INTS7: variants seen among roughly 807,000 people sequenced by gnomAD.
INTS7 encodes the protein integrator complex subunit 7.
Under a neutral mutation model 109.2 loss-of-function variants are expected in INTS7, and 46 were observed. The observed-to-expected ratio is 0.42, with a 90% confidence interval of 0.33 to 0.54. The LOEUF (loss-of-function observed/expected upper bound fraction) is 0.54. INTS7 is among the 20% of genes least tolerant of loss of function. The pLI is 0.07. For missense variants in INTS7, 929 were observed against 1,132.4 expected (o/e 0.82, Z 2.58); for synonymous variants, 412 against 402.9 (o/e 1.02, Z -0.27).
chr1:212,018,808 T>C (rs887633949), intron 3 of INTS7, among the ~76,000 whole-genome samples: 1 of 152,224 alleles, frequency 6.6e-6, no homozygotes, highest in African/African-American at 2.4e-5. Flanking sequence ...CCAATAGCTA[T>C]TCCCATGTCG....
intron 16 of INTS7, among the ~76,000 whole-genome samples, chr1:211,965,355 T>C (rs1558029356): frequency 1.3e-5 from 2 of 152,156 alleles, no homozygotes; most frequent in Non-Finnish European, 1.5e-5. Flanking sequence ...GGCGGGAGTG[T>C]AAATTAGTTC....
intron 1 of INTS7, among the ~76,000 whole-genome samples, chr1:212,029,140 G>A (rs1337420091): frequency 6.6e-6 from 1 of 152,146 alleles, no homozygotes; most frequent in Non-Finnish European, 1.5e-5. Flanking sequence ...TTTCAAAACA[G>A]CACAAATCTC....
At chr1:212,015,249 G>C (rs1571908199) in intron 4 of INTS7, among the ~76,000 whole-genome samples, 1 of 152,198 alleles carries the variant, frequency 6.6e-6, no homozygotes, top group Non-Finnish European at 1.5e-5. Context: ...CGACGATGGG[G>C]GTTTTGTCGA....
chr1:211,971,949 A>AAAAG (rs1395171533), intron 13 of INTS7, among the ~76,000 whole-genome samples: 1 of 151,356 alleles, frequency 6.6e-6, no homozygotes, highest in Non-Finnish European at 1.5e-5. Flanking sequence ...AAAGAAAAGA[A>AAAAG]AAAGAAAAAG....
At chr1:211,943,043 C>T (rs1662702905) in intron 19 of INTS7, among the ~76,000 whole-genome samples, 1 of 152,078 alleles carries the variant, frequency 6.6e-6, no homozygotes, top group Non-Finnish European at 1.5e-5. Context: ...CTGACGTCAC[C>T]AACCAATTCA....
intron 7 of INTS7, among the ~76,000 whole-genome samples, chr1:211,993,679 C>CAAA (rs1333287349): frequency 9.1e-4 from 50 of 54,748 alleles, no homozygotes; most frequent in African/African-American, 2.4e-3. Flanking sequence ...GACTAAAACT[C>CAAA]AAAAAAAAAA....
chr1:211,997,342 T>A (rs964782693), intron 7 of INTS7, among the ~76,000 whole-genome samples: 3 of 151,330 alleles, frequency 2.0e-5, no homozygotes, highest in Non-Finnish European at 4.4e-5. Flanking sequence ...ACCCGGAGCT[T>A]GAGACCAGCC....
intron 13 of INTS7, among the ~76,000 whole-genome samples, chr1:211,974,283 A>ATATATATATATC: frequency 1.0e-5 from 1 of 97,384 alleles, no homozygotes; most frequent in South Asian, 3.2e-4. Context: ...AAAAATATAT[A>ATATATATATATC]TATATATATA....
chr1:211,987,423 T>C (rs966554546), intron 8 of INTS7, among the ~76,000 whole-genome samples: 1 of 152,156 alleles, frequency 6.6e-6, no homozygotes, highest in Admixed American at 6.5e-5. Flanking sequence ...TCATCTTGAA[T>C]AGGTAACTAG....
In INTS7 at chr1:211,968,562, G is replaced by A; in HGVS notation, c.1961C>T (p.Ala654Val). The A allele has an allele frequency of 1.2e-6, 2 of 1,614,080 alleles. No individual in the cohort carries two copies. The highest frequency in any genetic ancestry group is 1.7e-6 in the Non-Finnish European group (2 of 1,180,000). The part of the protein sequence containing the change: ...SPPPAIATTI[A>V]MTLGNDLQRC... ...CTGGAGGTCATTTCCTAAGGTCATG[G>A]CAATTGTTGTGGCAATTGCAGGTGG... The change falls in exon 14 of 20, where the codon GCC becomes GTC. Residue 654 changes from alanine to valine, a missense_variant. Ala to Val is a moderately conservative substitution (Grantham distance 64). Around this residue, in one of 2 missense-constraint regions of INTS7, gnomAD observed 787 missense variants for 901.1 expected, o/e 0.87. Transcript: ENST00000366994.
intron 17 of INTS7, among the ~76,000 whole-genome samples, chr1:211,951,519 G>A (rs1345288778): frequency 6.6e-6 from 1 of 152,172 alleles, no homozygotes; most frequent in Non-Finnish European, 1.5e-5. Context: ...TGTTAGTCAG[G>A]CTGGTCTCAA....
At chr1:211,986,937 G>A (rs1479833433) in intron 8 of INTS7, among the ~76,000 whole-genome samples, 2 of 152,176 alleles carry the variant, frequency 1.3e-5, no homozygotes, top group Non-Finnish European at 2.9e-5. Flanking sequence ...GTACATTACA[G>A]TTCTTTAATT....
At position 211,946,594 on chromosome 1, in the gene INTS7, C is replaced by T; in HGVS notation, c.2415+13G>A. The stretch of plus-strand genomic sequence containing the variant: ...TAAAACCTATATTAACCTTAGTATT[C>T]TTCCTGTATTACCTTGATGCTGGTA... On this transcript the variant is annotated intron_variant, in intron 18 of 19. Transcript: ENST00000366994. The surrounding 1 kb of genome is among the most constrained non-coding windows in gnomAD (Gnocchi z 4.3). 1 of 1,494,948 alleles carries T rather than the reference C, an allele frequency of 6.7e-7. No individual in the cohort carries two copies. The highest frequency in any genetic ancestry group is 9.3e-7 in the Non-Finnish European group (1 of 1,072,330). 92.6% of individuals were successfully genotyped at this position (1,494,948 alleles called of 1,614,324 possible).
At chr1:211,976,839 T>A in intron 11 of INTS7, 120 bp from the exon 12 acceptor site, 1 of 839,994 alleles carries the variant, frequency 1.2e-6, no homozygotes, top group Non-Finnish European at 1.9e-6. Flanking sequence ...AAATTTGTTT[T>A]CCAATGACAT....
chr1:211,960,653 T>A (rs1357094090), intron 16 of INTS7, among the ~76,000 whole-genome samples: 1 of 152,124 alleles, frequency 6.6e-6, no homozygotes, highest in Non-Finnish European at 1.5e-5. Context: ...TGCAATAATT[T>A]CATAATGCAA....
intron 3 of INTS7, among the ~76,000 whole-genome samples, chr1:212,018,649 G>A (rs3009985): frequency 0.68 from 102,530 of 151,868 alleles, 34,964 homozygotes; most frequent in African/African-American, 0.73. Flanking sequence ...TTTTTTCTGA[G>A]CCTATATAAA....
intron 8 of INTS7, among the ~76,000 whole-genome samples, chr1:211,985,590 T>C (rs1418408625): frequency 6.6e-6 from 1 of 152,164 alleles, no homozygotes; most frequent in Non-Finnish European, 1.5e-5. Flanking sequence ...TACATGTCTT[T>C]GGAATTAAAA....
At chr1:211,954,338 C>A (rs1011976229) in intron 16 of INTS7, among the ~76,000 whole-genome samples, 1 of 152,104 alleles carries the variant, frequency 6.6e-6, no homozygotes, top group Non-Finnish European at 1.5e-5. Flanking sequence ...TTCTCCCATT[C>A]TGTAGGTTGC....
At chr1:211,974,966 C>T (rs543459734) in intron 13 of INTS7, among the ~76,000 whole-genome samples, 200 bp downstream of exon 13, 43 of 152,116 alleles carry the variant, frequency 2.8e-4, no homozygotes, top group Middle Eastern at 6.8e-3. Context: ...CATGTGGTAC[C>T]CAGTTATTTT....
Sources: gnomAD v4.1 joint callset for allele counts (sites outside exome capture counted in the v4.1 genomes callset) on GRCh38, gnomAD v4.1.1 for gene constraint, gnomAD v4.1.1 regional missense constraint, Gnocchi (gnomAD v3.1) non-coding constraint, MANE v1.5 for transcripts, NCBI Gene and HGNC (gene_info 2026-07-23, HGNC 2026-07-21) for gene names.